Variants in CAPZB observed in about 807,000 individuals in gnomAD.
CAPZB encodes F-actin-capping protein subunit beta.
Under a neutral mutation model 38.1 loss-of-function variants are expected in CAPZB, and 2 were observed. The ratio of observed to expected loss-of-function variants is 0.05; its 90% CI spans 0.02 to 0.17. The LOEUF (loss-of-function observed/expected upper bound fraction) is 0.17, where lower values mean the gene tolerates loss of function less well. Ranked by LOEUF, CAPZB falls within the 10% of genes least tolerant of loss-of-function variation. CAPZB has a pLI of 1.00. For missense variants in CAPZB, 161 were observed against 334.2 expected, an observed-to-expected ratio of 0.48 and a Z score of 4.04; for synonymous variants, 107 against 127.4, an observed-to-expected ratio of 0.84 and a Z score of 1.08.
intron 1 of CAPZB, among the ~76,000 whole-genome samples, chr1:19,429,625 T>C (rs2094435763): frequency 6.6e-6 from 1 of 152,062 alleles, no homozygotes; most frequent in East Asian, 1.9e-4. Flanking sequence ...CCATAAAGGG[T>C]AGGAACTCTC....
At chr1:19,464,331 G>A (rs186888079) in intron 1 of CAPZB, among the ~76,000 whole-genome samples, 19 of 132,750 alleles carry the variant, frequency 1.4e-4, no homozygotes, top group East Asian at 4.4e-4. Context: ...TCGCTCTGTC[G>A]CCCAGGCTGG....
Position 19,404,890 on chromosome 1 carries a change from C to T in CAPZB, c.93+14771G>A, listed in dbSNP as rs2094323228. On this transcript the variant is annotated intron_variant, in intron 2 of 8. Coordinates refer to ENST00000264202, the MANE Select transcript of CAPZB (RefSeq NM_004930.5). Reference sequence around the variant, plus strand: ...ACAATTGTCCTCTTTTAGAGTGAGGCAAATCCAGAATTCTCTCCATTACAC... The same window carrying T: ...ACAATTGTCCTCTTTTAGAGTGAGGTAAATCCAGAATTCTCTCCATTACAC... Among the ~76,000 whole-genome samples, 3 of 152,166 alleles carry T rather than the reference C, an allele frequency of 2.0e-5. No individual in the cohort carries two copies. The South Asian group carries it at 6.2e-4, about 32-fold the overall frequency.
chr1:19,484,252 A>AG (rs755120935), intron 1 of CAPZB: 1 of 1,612,466 alleles, frequency 6.2e-7, no homozygotes, highest in East Asian at 2.2e-5. Flanking sequence ...TTCAGAGGGA[A>AG]GGGGAGGCTG....
intron 6 of CAPZB, among the ~76,000 whole-genome samples, chr1:19,347,009 T>A (rs2093965637): frequency 2.6e-5 from 4 of 151,282 alleles, no homozygotes; most frequent in African/African-American, 4.9e-5. Flanking sequence ...TTTATTTTTA[T>A]TTTTTATTTT....
intron 1 of CAPZB, among the ~76,000 whole-genome samples, chr1:19,426,431 C>T (rs1389884980): frequency 1.3e-5 from 2 of 149,808 alleles, no homozygotes; most frequent in Non-Finnish European, 2.9e-5. Flanking sequence ...ACTCCTCCCA[C>T]TTGTGGTGGG....
At chr1:19,437,074 T>C (rs1558260723) in intron 1 of CAPZB, among the ~76,000 whole-genome samples, 2 of 152,242 alleles carry the variant, frequency 1.3e-5, no homozygotes. Flanking sequence ...GGATGGCTGA[T>C]ATGATGATTC....
intron 1 of CAPZB, among the ~76,000 whole-genome samples, chr1:19,442,761 T>C (rs1439940134): frequency 6.6e-6 from 1 of 152,124 alleles, no homozygotes; most frequent in Admixed American, 6.5e-5. Flanking sequence ...TGGACAGCTT[T>C]TCCTTCCCTG....
At chr1:19,394,816 A>G (rs2094257314) in intron 2 of CAPZB, among the ~76,000 whole-genome samples, 2 of 152,212 alleles carry the variant, frequency 1.3e-5, no homozygotes, top group African/African-American at 2.4e-5. Flanking sequence ...GCGGAGTAAC[A>G]CAGATGTTTC....
chr1:19,342,986 C>T (rs938423597), intron 8 of CAPZB: 5 of 696,120 alleles, frequency 7.2e-6, no homozygotes, highest in Non-Finnish European at 1.3e-5. Flanking sequence ...GGGGGGATGC[C>T]GTGGCGGCTC....
At chr1:19,456,708 T>G (rs962289039) in intron 1 of CAPZB, among the ~76,000 whole-genome samples, 1 of 152,148 alleles carries the variant, frequency 6.6e-6, no homozygotes, top group African/African-American at 2.4e-5. Flanking sequence ...GGGCTGCCCA[T>G]GGAGTCTATT....
At chr1:19,371,406 G>C (rs529539865) in intron 4 of CAPZB, among the ~76,000 whole-genome samples, 1 of 152,218 alleles carries the variant, frequency 6.6e-6, no homozygotes, top group Non-Finnish European at 1.5e-5. Context: ...GGAAGGTGCT[G>C]GCTGGACGCA....
At chr1:19,484,284 T>C (rs1255782515) in intron 1 of CAPZB, 7 of 1,610,750 alleles carry the variant, frequency 4.3e-6, no homozygotes, top group Non-Finnish European at 5.9e-6. Context: ...GTGCATCGTG[T>C]CCAGGCCATA....
intron 2 of CAPZB, among the ~76,000 whole-genome samples, chr1:19,415,496 G>T (rs189407965): frequency 5.3e-5 from 8 of 152,284 alleles, no homozygotes; most frequent in African/African-American, 1.4e-4. Context: ...AAAGCATTTC[G>T]TAAGTTCAGT....
intron 3 of CAPZB, among the ~76,000 whole-genome samples, chr1:19,382,272 A>G (rs765240496): frequency 6.6e-6 from 1 of 152,200 alleles, no homozygotes; most frequent in East Asian, 1.9e-4. Context: ...GGGAAATATC[A>G]TAACATTAAC....
chr1:19,389,594 A>G (rs1037566026), intron 2 of CAPZB, among the ~76,000 whole-genome samples: 1 of 151,780 alleles, frequency 6.6e-6, no homozygotes, highest in African/African-American at 2.4e-5. Context: ...CGCCCAGCTA[A>G]TTTTTCTATT....
chr1:19,393,627 G>T (rs1341436934), intron 2 of CAPZB, among the ~76,000 whole-genome samples: 1 of 152,244 alleles, frequency 6.6e-6, no homozygotes, highest in African/African-American at 2.4e-5. Context: ...CCCATCCCCA[G>T]TCAGGCTCAG....
chr1:19,481,636 G>A (rs2094629019), intron 1 of CAPZB, among the ~76,000 whole-genome samples: 1 of 152,242 alleles, frequency 6.6e-6, no homozygotes, highest in African/African-American at 2.4e-5. Flanking sequence ...CCAAGGTACT[G>A]TAAGGTTTCA....
intron 1 of CAPZB, among the ~76,000 whole-genome samples, chr1:19,446,694 GCA>G (rs1283126549): frequency 2.6e-5 from 4 of 152,198 alleles, no homozygotes; most frequent in African/African-American, 9.6e-5. Flanking sequence ...CCTTACAATT[GCA>G]CAGTGTTAAA....
chr1:19,468,196 G>A lies in CAPZB; in HGVS notation c.3+17240C>T, dbSNP rs78848431. 9.4e-3 allele frequency among the ~76,000 whole-genome samples: 1,438 copies of A among 152,320 alleles called. 23 individuals are homozygous for A. The highest frequency in any genetic ancestry group is 0.033 in the African/African-American group (1,370 of 41,552). On this transcript the variant is annotated intron_variant, in intron 1 of 8. Transcript: ENST00000264202. ...AATATATTGAAAGGTTAACAGTGCT[G>A]CTGGCAAGCTAAGATTATGAATTAT...
Sources: gnomAD v4.1 joint callset for allele counts (sites outside exome capture counted in the v4.1 genomes callset) on GRCh38, gnomAD v4.1.1 for gene constraint, MANE v1.5 for transcripts, NCBI Gene and HGNC (gene_info 2026-07-23, HGNC 2026-07-21) for gene names.